CYP11A1: variants seen among roughly 807,000 people sequenced by gnomAD.
CYP11A1 encodes the protein cytochrome P450 family 11 subfamily A member 1, also known as cholesterol side-chain cleavage enzyme, mitochondrial.
Under a neutral mutation model 51.9 loss-of-function variants are expected in CYP11A1, and 25 were observed. That is an observed-to-expected ratio of 0.48 (90% CI 0.35 to 0.67). The LOEUF (loss-of-function observed/expected upper bound fraction) is 0.67, where lower values mean the gene tolerates loss of function less well. CYP11A1 is among the 30% of genes least tolerant of loss of function. CYP11A1 has a pLI of 0.00. For synonymous variants in CYP11A1, 245 were observed against 262.1 expected, an observed-to-expected ratio of 0.93 and a Z score of 0.63; for missense variants, 578 against 680.9, an observed-to-expected ratio of 0.85 and a Z score of 1.68.
chr15:74,346,366 AAAAAAAAG>A (rs1329014677), intron 2 of CYP11A1, among the ~76,000 whole-genome samples: 13 of 150,312 alleles, frequency 8.6e-5, no homozygotes, highest in Non-Finnish European at 1.5e-4. Flanking sequence ...AAAAAAAAAA[AAAAAAAAG>A]AAAGAAAGAA....
chr15:74,348,127 C>T (rs1156984957), intron 1 of CYP11A1, 72 bp from the exon 2 acceptor site: 1 of 1,548,150 alleles, frequency 6.5e-7, no homozygotes, highest in Non-Finnish European at 8.8e-7. Context: ...AGCACAGCTG[C>T]CTCACAGTTC....
intron 1 of CYP11A1, among the ~76,000 whole-genome samples, chr15:74,348,620 C>T (rs1208719233): frequency 6.6e-6 from 1 of 152,216 alleles, no homozygotes; most frequent in East Asian, 1.9e-4. Flanking sequence ...CCCAACAACA[C>T]GCTTTGTCTC....
chr15:74,354,823 G>GGAGAC (rs2060671482), intron 1 of CYP11A1: 1 of 152,188 alleles, frequency 6.6e-6, no homozygotes, highest in East Asian at 1.9e-4. Flanking sequence ...CAGAGACAGA[G>GGAGAC]GAGACGTGTT....
rs79533289 is a variant in CYP11A1, at chr15:74,343,262, C to A, written c.830-125G>T. 2,641 of 934,216 alleles carry A rather than the reference C, an allele frequency of 2.8e-3. 41 individuals are homozygous for A. In the African/African-American group the frequency reaches 0.036, roughly 13 times the overall value. 57.9% of individuals were successfully genotyped at this position (934,216 alleles called of 1,614,324 possible). A position where few individuals can be genotyped will look rare whatever the true frequency, so the allele number is the denominator to read the frequency against. On this transcript the variant is annotated intron_variant, in intron 4 of 8. Transcript: ENST00000268053. Reference sequence around the variant, plus strand: ...CCGGAGCCCTGTGCTTCTTAGGCTGCCGTTTTACTGAGCACGTACTCTGTA... The same window carrying A: ...CCGGAGCCCTGTGCTTCTTAGGCTGACGTTTTACTGAGCACGTACTCTGTA...
chr15:74,346,307 C>T (rs953337552), intron 2 of CYP11A1, among the ~76,000 whole-genome samples: 2 of 141,706 alleles, frequency 1.4e-5, no homozygotes, highest in Admixed American at 1.5e-4. Flanking sequence ...GAGCCAAGAT[C>T]GTGCCATTGC....
intron 8 of CYP11A1, chr15:74,338,359 A>G (rs1000818707): frequency 1.4e-6 from 1 of 711,528 alleles, no homozygotes; most frequent in Middle Eastern, 3.8e-4. Context: ...TGGGGAATGG[A>G]TGGCCAGGGG....
intron 1 of CYP11A1, chr15:74,350,910 G>C (rs1225282469): frequency 6.6e-6 from 1 of 152,230 alleles, no homozygotes; most frequent in African/African-American, 2.4e-5. Context: ...CCGGTAACAT[G>C]TATTTTGGCC....
chr15:74,363,434 A>C (rs1412702958), intron 1 of CYP11A1: 1 of 152,232 alleles, frequency 6.6e-6, no homozygotes, highest in Non-Finnish European at 1.5e-5. Context: ...GGGTTTCACC[A>C]CGTTGGCCAG....
intron 1 of CYP11A1, among the ~76,000 whole-genome samples, chr15:74,350,473 T>G (rs899736394): frequency 6.6e-5 from 10 of 152,258 alleles, no homozygotes; most frequent in South Asian, 2.1e-4. Flanking sequence ...GGGCCTCAGT[T>G]TCCCCATCTG....
chr15:74,359,909 T>C (rs1026695337), intron 1 of CYP11A1, among the ~76,000 whole-genome samples: 4 of 152,246 alleles, frequency 2.6e-5, no homozygotes, highest in Non-Finnish European at 5.9e-5. Context: ...ATATCTCCTC[T>C]GTAAGATTTT....
At chr15:74,338,838 C>T in intron 7 of CYP11A1, 70 bp from the exon 8 acceptor site, 1 of 1,402,436 alleles carries the variant, frequency 7.1e-7, no homozygotes, top group Admixed American at 1.9e-5. Context: ...AACCCCCTTC[C>T]CTAGTCCCCT....
At chr15:74,352,431 A>C (rs1438191204) in intron 1 of CYP11A1, among the ~76,000 whole-genome samples, 2 of 151,798 alleles carry the variant, frequency 1.3e-5, no homozygotes, top group African/African-American at 4.8e-5. Context: ...CACCACGCCC[A>C]GCTAATTTTT....
chr15:74,358,750 G>A (rs140436925), intron 1 of CYP11A1, among the ~76,000 whole-genome samples: 1,780 of 152,244 alleles, frequency 0.012, 29 homozygotes, highest in African/African-American at 0.041. Flanking sequence ...ATAATTCCTC[G>A]GTTTGGCCTT....
At chr15:74,367,115 G>C in intron 1 of CYP11A1, 1 of 621,708 alleles carries the variant, frequency 1.6e-6, no homozygotes, top group Non-Finnish European at 2.8e-6. Flanking sequence ...GAGTACTTAA[G>C]ACATTCACAG....
chr15:74,349,540 C>A (rs2060646524), intron 1 of CYP11A1, among the ~76,000 whole-genome samples: 1 of 152,124 alleles, frequency 6.6e-6, no homozygotes, highest in Non-Finnish European at 1.5e-5. Flanking sequence ...TGTCTTTGCA[C>A]TAACTAGCTC....
chr15:74,364,003 T>G (rs1030917343), intron 1 of CYP11A1: 3 of 152,244 alleles, frequency 2.0e-5, no homozygotes, highest in Non-Finnish European at 2.9e-5. Flanking sequence ...AGACTAGGTT[T>G]TGTTTTTTCT....
rs141998085 is a variant in CYP11A1 at position 74,347,908 on chromosome 15, G to T, written c.417C>A (p.Val139=). 1 of 1,614,146 alleles carries T rather than the reference G, an allele frequency of 6.2e-7. No homozygotes were observed. The highest frequency in any genetic ancestry group is 8.5e-7 in the Non-Finnish European group (1 of 1,180,018). The change falls in exon 2 of 9, where the codon GTC becomes GTA. Residue 139 remains valine, a synonymous_variant. Transcript: ENST00000268053. ...GATGGCCCAGGACTCACTTCAACAG[G>T]ACTCCTATGGGTCTCTGGTAATACT... The part of the protein sequence containing the change: ...YHQYYQRPIG[V]LLKKSAAWKK...
At chr15:74,348,886 T>C (rs1220392559) in intron 1 of CYP11A1, among the ~76,000 whole-genome samples, 2 of 152,028 alleles carry the variant, frequency 1.3e-5, no homozygotes, top group Non-Finnish European at 2.9e-5. Context: ...GGCACCACCA[T>C]GCTTAATTTT....
At chr15:74,346,992 G>A (rs1181294644) in intron 2 of CYP11A1, among the ~76,000 whole-genome samples, 1 of 151,886 alleles carries the variant, frequency 6.6e-6, no homozygotes, top group African/African-American at 2.4e-5. Context: ...TTTTTGTAGA[G>A]ATGGGGTCTC....
Sources: allele counts gnomAD v4.1 joint callset (sites outside exome capture counted in the v4.1 genomes callset), GRCh38; gene constraint gnomAD v4.1.1; transcripts MANE v1.5; gene names NCBI Gene and HGNC (gene_info 2026-07-23, HGNC 2026-07-21).